ZNF844: variants seen among roughly 807,000 people sequenced by gnomAD.
ZNF844 encodes zinc finger protein 844.
Under a neutral mutation model 11.4 loss-of-function variants are expected in ZNF844, and 11 were observed. The observed-to-expected ratio is 0.97, with a 90% CI of 0.61 to 1.60. ZNF844 has a LOEUF of 1.60. ZNF844 is among the 40% of genes most tolerant of loss of function. ZNF844 has a pLI of 0.00. For missense variants in ZNF844, 790 were observed against 796.8 expected, an observed-to-expected ratio of 0.99 and a Z score of 0.10; for synonymous variants, 248 against 260.3, an observed-to-expected ratio of 0.95 and a Z score of 0.46.
chr19:12,079,944 CTCA>C lies in ZNF844; in HGVS notation c.*2824_*2826del, dbSNP rs1975875940. 7.9e-6 allele frequency: 1 copy of C among 125,872 alleles called. No individual in the cohort carries two copies. The highest frequency in any genetic ancestry group is 2.4e-4 in the South Asian group (1 of 4,170). The allele number at this position is 125,872 out of a possible 1,614,324, so 7.8% of individuals were successfully genotyped here. On this transcript the variant is annotated 3_prime_UTR_variant, in exon 4 of 4. Coordinates refer to ENST00000439326, the MANE Select transcript of ZNF844 (RefSeq NM_001136501.3). ...CTGGGCAACAAGAGTGAAACTCCAT[CTCA>C]AAAAAAAAAAAAAAAAAAATTGAGG...
At chr19:12,073,967 A>AGGGTAT in intron 1 of ZNF844, 64 bp from the exon 2 acceptor site, 2 of 1,541,054 alleles carry the variant, frequency 1.3e-6, no homozygotes, top group Non-Finnish European at 1.7e-6. Flanking sequence ...TCTTAGGAAG[A>AGGGTAT]GGGTATAGAC....
rs1021066201 is a variant in ZNF844 at position 12,064,765 on chromosome 19, C to T, written c.-109C>T. ...CCCCTCCCGCCGGGTGAGGTTGGCA[C>T]CCCGTTTTTCCTGCTCTGAGAGGGA... is the stretch of plus-strand genomic sequence containing the variant. On this transcript the variant is annotated 5_prime_UTR_variant, in exon 1 of 4. Transcript: ENST00000439326. The T allele has an allele frequency of 2.1e-5, 26 of 1,251,828 alleles. No individual in the cohort carries two copies. The highest frequency in any genetic ancestry group is 2.8e-5 in the Non-Finnish European group (25 of 902,484). The allele number at this position is 1,251,828 out of a possible 1,614,324, so 77.5% of individuals were successfully genotyped here. A position where few individuals can be genotyped will look rare whatever the true frequency, so the allele number is the denominator to read the frequency against.
At chr19:12,067,951 A>AGAAGGGAAGAAGGAAGGAAGGAAGGAAG (rs1975709955) in intron 1 of ZNF844, among the ~76,000 whole-genome samples, 1 of 14,676 alleles carries the variant, frequency 6.8e-5, no homozygotes, top group Non-Finnish European at 1.6e-4. Context: ...AAAGAAGGAA[A>AGAAGGGAAGAAGGAAGGAAGGAAGGAAG]GAAGGAAAGA....
At position 12,080,200 on chromosome 19, in the gene ZNF844, A is replaced by C. The variant is rs982507177; in HGVS notation, c.*3079A>C. 2.0e-5 allele frequency: 4 copies of C among 196,282 alleles called. No individual in the cohort carries two copies. The South Asian group carries it at 2.7e-4, about 13-fold the overall frequency. The allele number at this position is 196,282 out of a possible 1,614,324, so 12.2% of individuals were successfully genotyped here. A position where few individuals can be genotyped will look rare whatever the true frequency, so the allele number is the denominator to read the frequency against. On this transcript the variant is annotated 3_prime_UTR_variant, in exon 4 of 4. Coordinates refer to ENST00000439326, the MANE Select transcript of ZNF844 (RefSeq NM_001136501.3). ...CGTCTCTACTAAAAAATACAAAAAA[A>C]CTAGCTGGGCGTGGTGGTGGGCGCC...
In ZNF844 at chr19:12,075,206, TAATAAAATAA is replaced by T. The variant is rs56726883; in HGVS notation, c.192-87_192-78del. ...TACCCTAAAACTTAAAGTATATTAATAATAAAATAAAATAAAATAAAATAAAATGCAAGTG... is the reference window on the plus strand; with the variant it reads ...TACCCTAAAACTTAAAGTATATTAATAATAAAATAAAATAAAATGCAAGTG... On this transcript the variant is annotated intron_variant, in intron 3 of 3. Coordinates refer to ENST00000439326, the MANE Select transcript of ZNF844 (RefSeq NM_001136501.3). The T allele has an allele frequency of 1.1e-3, 933 of 826,186 alleles. 8 individuals are homozygous for T. The highest frequency in any genetic ancestry group is 9.4e-3 in the African/African-American group (524 of 55,464). The allele number at this position is 826,186 out of a possible 1,614,324, so 51.2% of individuals were successfully genotyped here.
chr19:12,068,107 G>C (rs1417649014), intron 1 of ZNF844, among the ~76,000 whole-genome samples: 2 of 152,052 alleles, frequency 1.3e-5, no homozygotes, highest in Non-Finnish European at 2.9e-5. Context: ...TCAGGAGTTT[G>C]AGACCAGTCT....
rs1323423490 is a variant in ZNF844 at position 12,080,770 on chromosome 19, T to C, written c.*3649T>C. 6.6e-6 allele frequency: 1 copy of C among 152,438 alleles called. No homozygotes were observed. Among genetic ancestry groups the C allele is most frequent in the African/African-American group, 2.4e-5 (1 of 41,438 alleles). The allele number at this position is 152,438 out of a possible 1,614,324, so 9.4% of individuals were successfully genotyped here. A position where few individuals can be genotyped will look rare whatever the true frequency, so the allele number is the denominator to read the frequency against. ...ATACAGTTTTTCTTTTTCTTTTTTT[T>C]TGAGACAAGGTCTCTCTCTGTCACC... On this transcript the variant is annotated 3_prime_UTR_variant, in exon 4 of 4. Coordinates refer to ENST00000439326, the MANE Select transcript of ZNF844 (RefSeq NM_001136501.3).
chr19:12,064,885 G>A lies in ZNF844; in HGVS notation c.3+9G>A. The A allele has an allele frequency of 6.5e-7, 1 of 1,549,588 alleles. No individual in the cohort carries two copies. Among genetic ancestry groups the A allele is most frequent in the Non-Finnish European group, 8.7e-7 (1 of 1,146,392 alleles). On this transcript the variant is annotated intron_variant, in intron 1 of 3. Transcript: ENST00000439326. ...CTGAAAGCCAGGAAATGGTGAGTGT[G>A]AGCCCCCGCTGGGAGTCCCGAGACT...
intron 1 of ZNF844, among the ~76,000 whole-genome samples, chr19:12,069,179 CTTTT>C (rs748342323): frequency 1.7e-5 from 2 of 120,864 alleles, no homozygotes; most frequent in African/African-American, 3.4e-5. Flanking sequence ...TCTTTTATTC[CTTTT>C]TTTTTTTTTT....
At chr19:12,070,537 T>C (rs1975743925) in intron 1 of ZNF844, among the ~76,000 whole-genome samples, 1 of 152,170 alleles carries the variant, frequency 6.6e-6, no homozygotes, top group South Asian at 2.1e-4. Context: ...TCTGACCTGG[T>C]GTTTTGGATG....
intron 1 of ZNF844, among the ~76,000 whole-genome samples, chr19:12,066,530 CTTTTT>C (rs80186949): frequency 0.01 from 962 of 92,314 alleles, 8 homozygotes; most frequent in African/African-American, 0.042. Flanking sequence ...TAAATGTCTT[CTTTTT>C]TTTTTTTTTT....
rs764428248 is a variant in ZNF844, at chr19:12,075,911, G to T, written c.791G>T (p.Ser264Ile). Reference sequence around the variant, plus strand: ...AAGGAATGTGGGAAAGCATTCGGTAGTCCCAATTCCCTTTATGAACATAGA... The same window carrying T: ...AAGGAATGTGGGAAAGCATTCGGTATTCCCAATTCCCTTTATGAACATAGA... ...ECKECGKAFG[S>I]PNSLYEHRRT... Residue 264 changes from serine (S) to isoleucine (I), a missense_variant, in exon 4 of 4, where the codon AGT becomes ATT. Coordinates refer to ENST00000439326, the MANE Select transcript of ZNF844 (RefSeq NM_001136501.3). The T allele has an allele frequency of 1.2e-6, 2 of 1,604,230 alleles. No individual in the cohort carries two copies. The highest frequency in any genetic ancestry group is 4.5e-5 in the East Asian group (2 of 44,420).
chr19:12,067,191 C>T (rs1975698509), intron 1 of ZNF844, among the ~76,000 whole-genome samples: 1 of 151,142 alleles, frequency 6.6e-6, no homozygotes, highest in East Asian at 2.0e-4. Context: ...CAGAGTGAGA[C>T]TCCCTCTCAA....
At chr19:12,064,954 G>C in intron 1 of ZNF844, 78 bp downstream of exon 1, 2 of 1,493,576 alleles carry the variant, frequency 1.3e-6, no homozygotes, top group South Asian at 1.2e-5. Context: ...GCTGGAACCG[G>C]CTGTGCCGGG....
Position 12,080,110 on chromosome 19 carries a change from A to G in ZNF844, c.*2989A>G, listed in dbSNP as rs560071982. 5.6e-5 allele frequency: 9 copies of G among 162,104 alleles called. No homozygotes were observed. The South Asian group carries it at 1.3e-3, about 24-fold the overall frequency. 10.0% of individuals were successfully genotyped at this position (162,104 alleles called of 1,614,324 possible). A position where few individuals can be genotyped will look rare whatever the true frequency, so the allele number is the denominator to read the frequency against. ...ACGCCTGTAATCCCAGCACTTTGGGAGGCTGAGGTGGGCGGATCACGAGGT... is the reference window on the plus strand; with the variant it reads ...ACGCCTGTAATCCCAGCACTTTGGGGGGCTGAGGTGGGCGGATCACGAGGT... On this transcript the variant is annotated 3_prime_UTR_variant, in exon 4 of 4. Coordinates refer to ENST00000439326, the MANE Select transcript of ZNF844 (RefSeq NM_001136501.3).
Position 12,074,063 on chromosome 19 carries a change from C to G in ZNF844, c.36C>G (p.Asn12Lys). The change falls in exon 2 of 4, where the codon AAC becomes AAG. Residue 12 changes from asparagine (N) to lysine (K), a missense_variant. Coordinates refer to ENST00000439326, the MANE Select transcript of ZNF844 (RefSeq NM_001136501.3). ...DLVAFEDVAV[N>K]FTQEEWSLLD... The stretch of plus-strand genomic sequence containing the variant: ...TGGCTTTCGAGGATGTGGCTGTGAA[C>G]TTCACCCAGGAGGAGTGGTCTTTGC... The G allele has an allele frequency of 6.2e-7, 1 of 1,613,598 alleles. No homozygotes were observed. Among genetic ancestry groups the G allele is most frequent in the Non-Finnish European group, 8.5e-7 (1 of 1,179,694 alleles).
Position 12,076,956 on chromosome 19 carries a change from C to T in ZNF844, c.1836C>T (p.Asn612=). 1 of 1,602,930 alleles carries T rather than the reference C, an allele frequency of 6.2e-7. No individual in the cohort carries two copies. Among genetic ancestry groups the T allele is most frequent in the Non-Finnish European group, 8.5e-7 (1 of 1,174,410 alleles). Residue 612 remains asparagine, a synonymous_variant, in exon 4 of 4, where the codon AAC becomes AAT. Transcript: ENST00000439326. ...TGCAAGAACACACCCTGGAGAGAAA[C>T]CCTATGAATGTAAGGAATGCGGAAA... The part of the protein sequence containing the change: ...EYMQEHTLER[N]PMNVRNAEKR...
Position 12,080,490 on chromosome 19 carries a change from T to C in ZNF844, c.*3369T>C, listed in dbSNP as rs995231213. 52 of 245,048 alleles carry C rather than the reference T, an allele frequency of 2.1e-4. No homozygotes were observed. The highest frequency in any genetic ancestry group is 1.2e-3 in the African/African-American group (49 of 42,388). The allele number at this position is 245,048 out of a possible 1,614,324, so 15.2% of individuals were successfully genotyped here. A position where few individuals can be genotyped will look rare whatever the true frequency, so the allele number is the denominator to read the frequency against. ...CAAGAGGAAGTCATCAGTCACATTT[T>C]AGAGGCACCAAACAGGTGCCACATC... On this transcript the variant is annotated 3_prime_UTR_variant, in exon 4 of 4. Coordinates refer to ENST00000439326, the MANE Select transcript of ZNF844 (RefSeq NM_001136501.3).
In ZNF844 at chr19:12,076,224, T is replaced by A; in HGVS notation, c.1104T>A (p.Thr368=). 1.2e-6 allele frequency: 2 copies of A among 1,603,060 alleles called. No homozygotes were observed. The highest frequency in any genetic ancestry group is 1.7e-6 in the Non-Finnish European group (2 of 1,174,598). The change falls in exon 4 of 4, where the codon ACT becomes ACA. Residue 368 remains threonine, a synonymous_variant. Transcript: ENST00000439326. ...GAATGAGACCTTATAAATGTAAGAC[T>A]GTGGAAAAGCCTTTGATTCTCCCAG... The part of the protein sequence containing the change: ...HTRMRPYKCK[T]VEKPLILPVR...
Sources: allele counts gnomAD v4.1 joint callset (sites outside exome capture counted in the v4.1 genomes callset), GRCh38; gene constraint gnomAD v4.1.1; transcripts MANE v1.5; gene names NCBI Gene and HGNC (gene_info 2026-07-23, HGNC 2026-07-21).